The following GDPD1 variants were observed in gnomAD, a reference collection of about 807,000 sequenced individuals.
GDPD1 encodes the protein lysophospholipase D GDPD1.
In GDPD1, 28 loss-of-function variants were observed where a neutral mutation model predicts 45.1. The observed-to-expected ratio is 0.62, with a 90% CI of 0.46 to 0.85. GDPD1 has a LOEUF of 0.85. Among genes scored for constraint, GDPD1 ranks in the 40% least tolerant of loss-of-function variants. The pLI is 0.00. For missense variants in GDPD1, 256 were observed against 364.8 expected, an observed-to-expected ratio of 0.70 and a Z score of 2.43; for synonymous variants, 139 against 131.4, an observed-to-expected ratio of 1.06 and a Z score of -0.40.
chr17:59,266,249 A>G (rs2047398282), intron 6 of GDPD1, among the ~76,000 whole-genome samples: 1 of 151,968 alleles, frequency 6.6e-6, no homozygotes, highest in Non-Finnish European at 1.5e-5. Context: ...TTAGCTGGGC[A>G]TGGTGGTGTG....
At chr17:59,263,655 T>A (rs1330200269) in intron 6 of GDPD1, among the ~76,000 whole-genome samples, 1 of 151,704 alleles carries the variant, frequency 6.6e-6, no homozygotes, top group Non-Finnish European at 1.5e-5. Context: ...ATTTTTTGTA[T>A]TTTTAGTAGA....
chr17:59,269,947 A>G (rs2047432168), intron 7 of GDPD1, among the ~76,000 whole-genome samples: 1 of 152,208 alleles, frequency 6.6e-6, no homozygotes, highest in Non-Finnish European at 1.5e-5. Flanking sequence ...AAATACAGAC[A>G]TAAGAACAAA....
At chr17:59,238,516 C>T (rs997483908) in intron 2 of GDPD1, among the ~76,000 whole-genome samples, 43 of 151,232 alleles carry the variant, frequency 2.8e-4, no homozygotes, top group African/African-American at 1.0e-3. Context: ...CAGGTTCAAG[C>T]GATTCTCCTG....
chr17:59,229,059 C>T (rs1745208887), intron 1 of GDPD1, among the ~76,000 whole-genome samples: 1 of 150,922 alleles, frequency 6.6e-6, no homozygotes, highest in Non-Finnish European at 1.5e-5. Context: ...ACAGACATAA[C>T]TCCACAAGTA....
rs2047463021 is a variant in GDPD1, at chr17:59,274,125, C to CTAG, written c.*353_*355dup. 1.2e-6 allele frequency: 1 copy of CTAG among 835,422 alleles called. No homozygotes were observed. Among genetic ancestry groups the CTAG allele is most frequent in the Non-Finnish European group, 1.4e-6 (1 of 694,626 alleles). The allele number at this position is 835,422 out of a possible 1,614,324, so 51.8% of individuals were successfully genotyped here. A position where few individuals can be genotyped will look rare whatever the true frequency, so the allele number is the denominator to read the frequency against. On this transcript the variant is annotated 3_prime_UTR_variant, in exon 10 of 10. Transcript: ENST00000284116. Reference sequence around the variant, plus strand: ...ATCTACAGAAATCTTGATCAATAACCTAGAAACTAGGTTATCTAGGTTATT... The same window carrying CTAG: ...ATCTACAGAAATCTTGATCAATAACCTAGTAGAAACTAGGTTATCTAGGTTATT...
intron 7 of GDPD1, among the ~76,000 whole-genome samples, chr17:59,270,412 T>C (rs1171082235): frequency 6.6e-6 from 1 of 151,934 alleles, no homozygotes; most frequent in Admixed American, 6.6e-5. Context: ...TTGGCCAGGC[T>C]GGTCTGGAAC....
rs369473417 is a variant in GDPD1, at chr17:59,255,831, GTATA to G, written c.368-1274_368-1271del. Reference sequence around the variant, plus strand: ...TATATACGCGTATATATATATACGCGTATATATATATATATATATACACACGTAT... The same window carrying G: ...TATATACGCGTATATATATATACGCGTATATATATATATATACACACGTAT... On this transcript the variant is annotated intron_variant, in intron 4 of 9. Coordinates refer to ENST00000284116, the MANE Select transcript of GDPD1 (RefSeq NM_182569.4). 4.7e-3 allele frequency among the ~76,000 whole-genome samples: 298 copies of G among 62,948 alleles called. 30 individuals are homozygous for G. The highest frequency in any genetic ancestry group is 0.017 in the African/African-American group (172 of 10,334). 41.3% of individuals were successfully genotyped at this position (62,948 alleles called of 152,430 possible). A position where few individuals can be genotyped will look rare whatever the true frequency, so the allele number is the denominator to read the frequency against.
rs559124810 is a variant in GDPD1, at chr17:59,232,223, C to T, written c.143-2269C>T. Among the ~76,000 whole-genome samples, 166 of 152,130 alleles carry T rather than the reference C, an allele frequency of 1.1e-3. 1 individual carries two copies. Among genetic ancestry groups the T allele is most frequent in the African/African-American group, 3.9e-3 (162 of 41,504 alleles). Reference sequence around the variant, plus strand: ...ATCCCAGCACTTTGGGAGGCCAAGGCGGGCGGATCACAAGGTCAGGAGTTC... The same window carrying T: ...ATCCCAGCACTTTGGGAGGCCAAGGTGGGCGGATCACAAGGTCAGGAGTTC... On this transcript the variant is annotated intron_variant, in intron 1 of 9. Coordinates refer to ENST00000284116, the MANE Select transcript of GDPD1 (RefSeq NM_182569.4).
chr17:59,269,416 A>G (rs2047427072), intron 7 of GDPD1, among the ~76,000 whole-genome samples: 1 of 151,708 alleles, frequency 6.6e-6, no homozygotes, highest in Non-Finnish European at 1.5e-5. Flanking sequence ...CCTAAATTAT[A>G]TTTATGAACA....
intron 6 of GDPD1, among the ~76,000 whole-genome samples, chr17:59,264,152 C>T (rs1449556016): frequency 6.6e-6 from 1 of 151,706 alleles, no homozygotes; most frequent in East Asian, 1.9e-4. Flanking sequence ...GCACACGTCA[C>T]CATGCCTGGC....
chr17:59,263,390 C>T (rs552159021), intron 6 of GDPD1, among the ~76,000 whole-genome samples: 1 of 151,962 alleles, frequency 6.6e-6, no homozygotes, highest in East Asian at 1.9e-4. Context: ...CTTTTCCAAA[C>T]ATCACAGTAA....
chr17:59,222,521 T>TTTTTTTTTTTTTTTTTTTTG (rs2047014088), intron 1 of GDPD1, among the ~76,000 whole-genome samples: 1 of 132,142 alleles, frequency 7.6e-6, no homozygotes, highest in African/African-American at 2.8e-5. Context: ...TTTTTTTTTT[T>TTTTTTTTTTTTTTTTTTTTG]TTTTTTTTTT....
In GDPD1 at chr17:59,257,816, A is replaced by G. The variant is rs778649129; in HGVS notation, c.552A>G (p.Glu184=). ...CAGTGTGGGGTAATGCCAATTATGA[A>G]ATTGTAGAAAAGTGCTACAAAGAGG... is the stretch of plus-strand genomic sequence containing the variant. The part of the protein sequence containing the change: ...HLTVWGNANY[E]IVEKCYKENS... Residue 184 remains glutamate (E), a synonymous_variant, in exon 6 of 10, where the codon GAA becomes GAG. Transcript: ENST00000284116. The G allele has an allele frequency of 2.5e-6, 4 of 1,603,016 alleles. No individual in the cohort carries two copies. The highest frequency in any genetic ancestry group is 3.4e-6 in the Non-Finnish European group (4 of 1,174,106).
At chr17:59,251,378 G>A (rs1053430333) in intron 4 of GDPD1, among the ~76,000 whole-genome samples, 1 of 152,042 alleles carries the variant, frequency 6.6e-6, no homozygotes, top group African/African-American at 2.4e-5. Flanking sequence ...AATTAGCCGG[G>A]CATGGTGACA....
intron 7 of GDPD1, among the ~76,000 whole-genome samples, chr17:59,268,266 G>A (rs966133644): frequency 1.3e-5 from 2 of 152,088 alleles, no homozygotes; most frequent in African/African-American, 2.4e-5. Context: ...ATTTAAATGT[G>A]ATTTTATTTG....
intron 2 of GDPD1, among the ~76,000 whole-genome samples, chr17:59,243,083 G>A (rs2047186330): frequency 6.6e-6 from 1 of 151,984 alleles, no homozygotes; most frequent in Non-Finnish European, 1.5e-5. Context: ...CAGCTACTCG[G>A]GAAGCTGAGG....
Position 59,274,120 on chromosome 17 carries a change from A to G in GDPD1, c.*347A>G, listed in dbSNP as rs530447356. ...ACATCATCTACAGAAATCTTGATCA[A>G]TAACCTAGAAACTAGGTTATCTAGG... is the stretch of plus-strand genomic sequence containing the variant. On this transcript the variant is annotated 3_prime_UTR_variant, in exon 10 of 10. Coordinates refer to ENST00000284116, the MANE Select transcript of GDPD1 (RefSeq NM_182569.4). 2.7e-4 allele frequency: 215 copies of G among 805,506 alleles called. No individual in the cohort carries two copies. Among genetic ancestry groups the G allele is most frequent in the Non-Finnish European group, 3.1e-4 (206 of 666,572 alleles). The allele number at this position is 805,506 out of a possible 1,614,324, so 49.9% of individuals were successfully genotyped here. A position where few individuals can be genotyped will look rare whatever the true frequency, so the allele number is the denominator to read the frequency against.
At chr17:59,251,525 A>G (rs906410830) in intron 4 of GDPD1, among the ~76,000 whole-genome samples, 1 of 152,182 alleles carries the variant, frequency 6.6e-6, no homozygotes, top group African/African-American at 2.4e-5. Flanking sequence ...GTCTCAAAAA[A>G]AAAAAGAACA....
chr17:59,236,992 T>G (rs2047137090), intron 2 of GDPD1, among the ~76,000 whole-genome samples: 2 of 152,328 alleles, frequency 1.3e-5, no homozygotes, highest in Admixed American at 1.3e-4. Flanking sequence ...AAAATTGTAG[T>G]TCAAAAAATT....
Sources: allele counts gnomAD v4.1 joint callset (sites outside exome capture counted in the v4.1 genomes callset), GRCh38; gene constraint gnomAD v4.1.1; transcripts MANE v1.5; gene names NCBI Gene and HGNC (gene_info 2026-07-23, HGNC 2026-07-21).